MRI1: variants seen among roughly 807,000 people sequenced by gnomAD.
MRI1 encodes methylthioribose-1-phosphate isomerase 1.
A neutral mutation model predicts 27.3 loss-of-function variants in MRI1; 32 were observed. The ratio of observed to expected loss-of-function variants is 1.17; its 90% CI spans 0.88 to 1.57. MRI1 has a LOEUF of 1.57. Among genes scored for constraint, MRI1 ranks in the 40% most tolerant of loss-of-function variants. The pLI is 0.00. For synonymous variants in MRI1, 216 were observed against 227.4 expected (o/e 0.95, Z 0.45); for missense variants, 508 against 516.1 (o/e 0.98, Z 0.15).
chr19:13,771,924 T>C (rs1042076225), intron 5 of MRI1, among the ~76,000 whole-genome samples, 197 bp from the exon 6 acceptor site: 8 of 152,154 alleles, frequency 5.3e-5, no homozygotes, highest in African/African-American at 1.9e-4. Context: ...GGGACTGACA[T>C]TCTAGGGGCA....
At chr19:13,768,479 G>C in intron 3 of MRI1, 82 bp from the exon 4 acceptor site, 3 of 1,587,556 alleles carry the variant, frequency 1.9e-6, no homozygotes, top group Non-Finnish European at 2.6e-6. Flanking sequence ...CCCAGACTAG[G>C]AGCCTGCACC....
Position 13,772,293 on chromosome 19 carries a change from C to A in MRI1, c.*12C>A, listed in dbSNP as rs771515625. On this transcript the variant is annotated 3_prime_UTR_variant, in exon 6 of 6. Coordinates refer to ENST00000040663, the MANE Select transcript of MRI1 (RefSeq NM_001031727.4). ...GACCCCAGATGTAACCAACTCAGCT[C>A]TCCCTAGCCTGCCTCTCTAGGTTTT... is the stretch of plus-strand genomic sequence containing the variant. 1.2e-6 allele frequency: 2 copies of A among 1,603,448 alleles called. No homozygotes were observed. The highest frequency in any genetic ancestry group is 1.7e-6 in the Non-Finnish European group (2 of 1,175,336).
At position 13,765,954 on chromosome 19, in the gene MRI1, A is replaced by C. The variant is rs1414585740; in HGVS notation, c.372A>C (p.Arg124Ser). Residue 124 changes from arginine (R) to serine (S), a missense_variant and splice_region_variant, in exon 3 of 6, where the codon AGA becomes AGC. Coordinates refer to ENST00000040663, the MANE Select transcript of MRI1 (RefSeq NM_001031727.4). ...EGATEEAVRE[R>S]VICCTEDMLE... The stretch of plus-strand genomic sequence containing the variant: ...TGCTGAAAACTCCTTGTCACCCCAG[A>C]GTGATCTGCTGCACCGAGGACATGC... 2 of 1,593,288 alleles carry C rather than the reference A, an allele frequency of 1.3e-6. No individual in the cohort carries two copies. The highest frequency in any genetic ancestry group is 3.5e-5 in the Admixed American group (2 of 57,074).
intron 3 of MRI1, 35 bp from the exon 4 acceptor site, chr19:13,768,526 C>G (rs1568309604): frequency 1.3e-6 from 2 of 1,596,260 alleles, no homozygotes; most frequent in Non-Finnish European, 1.7e-6. Context: ...TTGCCCCTCC[C>G]CGGGGCCTTC....
intron 2 of MRI1, 105 bp downstream of exon 2, chr19:13,765,214 T>G: frequency 1.0e-6 from 1 of 980,036 alleles, no homozygotes; most frequent in South Asian, 2.0e-5. Context: ...CACGGCGACC[T>G]TAAGTCCCTT....
intron 5 of MRI1, among the ~76,000 whole-genome samples, chr19:13,770,435 A>G (rs913110553): frequency 1.3e-5 from 2 of 151,830 alleles, no homozygotes; most frequent in Admixed American, 1.3e-4. Flanking sequence ...AAAAATATAA[A>G]AATTAGCCAG....
At chr19:13,767,831 G>T (rs555191511) in intron 3 of MRI1, among the ~76,000 whole-genome samples, 1 of 142,836 alleles carries the variant, frequency 7.0e-6, no homozygotes, top group Non-Finnish European at 1.5e-5. Context: ...CTGGGTTCCA[G>T]CGATTCTTTT....
intron 2 of MRI1, 45 bp from the exon 3 acceptor site, chr19:13,765,909 C>A (rs201700668): frequency 6.5e-7 from 1 of 1,545,978 alleles, no homozygotes; most frequent in Admixed American, 1.9e-5. Context: ...TTGGCCTGGG[C>A]CCCGGGTCCT....
chr19:13,766,292 C>A (rs1974123317), intron 3 of MRI1, among the ~76,000 whole-genome samples, 163 bp downstream of exon 3: 2 of 152,196 alleles, frequency 1.3e-5, no homozygotes, highest in Non-Finnish European at 2.9e-5. Flanking sequence ...ATGGCAAGAT[C>A]AAGGGGCTCA....
In MRI1 at chr19:13,773,542, T is replaced by C. The variant is rs1395971314; in HGVS notation, c.*1261T>C. 2 of 153,532 alleles carry C rather than the reference T, an allele frequency of 1.3e-5. No homozygotes were observed. The highest frequency in any genetic ancestry group is 2.0e-4 in the South Asian group (1 of 4,886). The allele number at this position is 153,532 out of a possible 1,614,324, so 9.5% of individuals were successfully genotyped here. On this transcript the variant is annotated 3_prime_UTR_variant, in exon 6 of 6. Coordinates refer to ENST00000040663, the MANE Select transcript of MRI1 (RefSeq NM_001031727.4). ...AGCTACTCAGGCTGAAGTGGGAGGA[T>C]GGCTTGAGCCCAGGAGTTCAAGGAT...
chr19:13,766,426 GAA>G (rs1974126119), intron 3 of MRI1, among the ~76,000 whole-genome samples: 1 of 152,124 alleles, frequency 6.6e-6, no homozygotes, highest in African/African-American at 2.4e-5. Flanking sequence ...TCCTATACTA[GAA>G]AAGTCTCCTT....
At chr19:13,765,820 G>A (rs972022960) in intron 2 of MRI1, 134 bp from the exon 3 acceptor site, 61 of 973,728 alleles carry the variant, frequency 6.3e-5, no homozygotes, top group Non-Finnish European at 7.8e-5. Context: ...GGCCCTGGCC[G>A]AAGGGTCCAG....
rs1433361357 is a variant in MRI1, at chr19:13,769,065, G to A, written c.949+17G>A. 6.3e-7 allele frequency: 1 copy of A among 1,587,154 alleles called. No individual in the cohort carries two copies. Among genetic ancestry groups the A allele is most frequent in the Non-Finnish European group, 8.6e-7 (1 of 1,162,260 alleles). On this transcript the variant is annotated intron_variant, in intron 5 of 5. Transcript: ENST00000040663. ...CAGCACCTGGTAAGCTGCCCCCTCA[G>A]AAAGGGGACACCCCAGCTCCTGGGC... is the stretch of plus-strand genomic sequence containing the variant.
intron 5 of MRI1, 47 bp downstream of exon 5, chr19:13,769,095 C>T: frequency 6.7e-7 from 1 of 1,488,600 alleles, no homozygotes; most frequent in South Asian, 1.2e-5. Flanking sequence ...CTGGGCACTT[C>T]ATGGAGGCAG....
chr19:13,766,236 A>G, intron 3 of MRI1, 107 bp downstream of exon 3: 1 of 1,102,536 alleles, frequency 9.1e-7, no homozygotes, highest in Non-Finnish European at 1.3e-6. Flanking sequence ...AAAAATGGGA[A>G]GGTACTAGTT....
In MRI1 at chr19:13,764,933, G is replaced by A; in HGVS notation, c.195G>A (p.Ala65=). The change falls in exon 2 of 6, where the codon GCG becomes GCA. Residue 65 remains alanine (A), a synonymous_variant. Coordinates refer to ENST00000040663, the MANE Select transcript of MRI1 (RefSeq NM_001031727.4). Reference sequence around the variant, plus strand: ...TCAGCCTCGCCGTGGAGCTGCAGGCGGGCGCCGGGGGACCGGGACTCGCCG... The same window carrying A: ...TCAGCCTCGCCGTGGAGCTGCAGGCAGGCGCCGGGGGACCGGGACTCGCCG... The part of the protein sequence containing the change: ...GCLSLAVELQ[A]GAGGPGLAAL... 6.7e-7 allele frequency: 1 copy of A among 1,492,674 alleles called. No homozygotes were observed. Among genetic ancestry groups the A allele is most frequent in the South Asian group, 1.3e-5 (1 of 79,248 alleles). The allele number at this position is 1,492,674 out of a possible 1,614,324, so 92.5% of individuals were successfully genotyped here.
chr19:13,764,569 C>G lies in MRI1; in HGVS notation c.-20C>G, dbSNP rs761290425. On this transcript the variant is annotated 5_prime_UTR_variant, in exon 1 of 6. Transcript: ENST00000040663. ...GACCCCTAGCTCCCTCTGAGTTGCG[C>G]TGGGCTTGGCTGCTGCACCATGACC... 5 of 1,604,330 alleles carry G rather than the reference C, an allele frequency of 3.1e-6. No individual in the cohort carries two copies. The highest frequency in any genetic ancestry group is 1.7e-6 in the Non-Finnish European group (2 of 1,176,726).
rs760901592 is a variant in MRI1 at position 13,768,767 on chromosome 19, G to T, written c.724+30G>T. 37 of 1,597,434 alleles carry T rather than the reference G, an allele frequency of 2.3e-5. No homozygotes were observed. The African/African-American group carries it at 4.2e-4, about 18-fold the overall frequency. ...GCAGACGGTAAGCCCTGGGGGCGGG[G>T]CTCTGGAGCATGGGGCCAGGTAATG... On this transcript the variant is annotated intron_variant, in intron 4 of 5. Transcript: ENST00000040663.
chr19:13,768,504 C>T, intron 3 of MRI1, 57 bp from the exon 4 acceptor site: 2 of 1,592,716 alleles, frequency 1.3e-6, no homozygotes, highest in Non-Finnish European at 1.7e-6. Flanking sequence ...ACCAATGGAC[C>T]ACCCTGTCTG....
Sources: gnomAD v4.1 joint callset for allele counts (sites outside exome capture counted in the v4.1 genomes callset) on GRCh38, gnomAD v4.1.1 for gene constraint, MANE v1.5 for transcripts, NCBI Gene and HGNC (gene_info 2026-07-23, HGNC 2026-07-21) for gene names.